Variants in INF2 observed in about 807,000 individuals in gnomAD.
INF2 encodes inverted formin-2.
A neutral mutation model predicts 123.5 loss-of-function variants in INF2; 43 were observed. The ratio of observed to expected loss-of-function variants is 0.35; its 90% CI spans 0.27 to 0.45. INF2 has a LOEUF of 0.45. Ranked by LOEUF, INF2 falls within the 20% of genes least tolerant of loss-of-function variation. The pLI, the probability that INF2 is intolerant of heterozygous loss-of-function variation, is 1.00. For missense variants in INF2, 1,453 were observed against 1,682.7 expected (o/e 0.86, Z 2.39); for synonymous variants, 851 against 745.0 (o/e 1.14, Z -2.32).
rs771225174 is a variant in INF2, at chr14:104,714,616, C to A, written c.3454C>A (p.Leu1152Met). The change falls in exon 21 of 23, where the codon CTG becomes ATG. Residue 1152 changes from leucine (L) to methionine (M), a missense_variant. Leu to Met is a conservative substitution (Grantham distance 15). Around this residue, in one of 8 missense-constraint regions of INF2, gnomAD observed 344 missense variants for 333.1 expected, o/e 1.03. Transcript: ENST00000392634. ...QAEADSTSEG[L>M]EDAVHSRGAR... ...CGAGGCCGACAGCACAAGTGAGGGG[C>A]TGGAGGACGCTGTCCACAGCCGTGG... 6 of 1,612,538 alleles carry A rather than the reference C, an allele frequency of 3.7e-6. No individual in the cohort carries two copies. The South Asian group carries it at 5.5e-5, about 15-fold the overall frequency.
In INF2 at chr14:104,684,280, G is replaced by C. The variant is rs1888607439; in HGVS notation, c.-104+2698G>C. 4 of 384,690 alleles carry C rather than the reference G, an allele frequency of 1.0e-5. No individual in the cohort carries two copies. Among genetic ancestry groups the C allele is most frequent in the Non-Finnish European group, 1.6e-5 (3 of 191,454 alleles). 23.8% of individuals were successfully genotyped at this position (384,690 alleles called of 1,614,324 possible). On this transcript the variant is annotated intron_variant, in intron 1 of 2. Transcript: ENST00000674723. This position sits in a 1 kb window ranked among gnomAD's most constrained non-coding sequence, Gnocchi z 5.0. Reference sequence around the variant, plus strand: ...CTGGAGGTCAGCAGGGAGGTGGACTGCGTCTCCCGAGGGCCAGCACTGGCT... The same window carrying C: ...CTGGAGGTCAGCAGGGAGGTGGACTCCGTCTCCCGAGGGCCAGCACTGGCT...
chr14:104,698,982 C>T (rs1217806629), intron 1 of INF2, among the ~76,000 whole-genome samples: 2 of 152,170 alleles, frequency 1.3e-5, no homozygotes, highest in African/African-American at 4.8e-5. Flanking sequence ...CAGTTTCCTC[C>T]CACCGTGGCT....
At chr14:104,705,022 A>G (rs980594033) in intron 5 of INF2, among the ~76,000 whole-genome samples, 4 of 122,188 alleles carry the variant, frequency 3.3e-5, no homozygotes, top group Non-Finnish European at 6.6e-5. Flanking sequence ...CATAGCTGAG[A>G]AGCTCTATCC....
rs756746505 is a variant in INF2 at position 104,714,589 on chromosome 14, G to A, written c.3427G>A (p.Ala1143Thr). Residue 1143 changes from alanine to threonine, a missense_variant, in exon 21 of 23, where the codon GCC (alanine) becomes ACC (threonine). By Grantham distance (58) the Ala-to-Thr change is moderately conservative. Coordinates refer to ENST00000392634, the MANE Select transcript of INF2 (RefSeq NM_022489.4). ...CACGTCCTTGCTGGGCGTCCTCCAG[G>A]CCGAGGCCGACAGCACAAGTGAGGG... is the stretch of plus-strand genomic sequence containing the variant. ...DPTSLLGVLQ[A>T]EADSTSEGLE... The A allele has an allele frequency of 3.1e-6, 5 of 1,612,514 alleles. No homozygotes were observed. Among genetic ancestry groups the A allele is most frequent in the Middle Eastern group, 1.6e-4 (1 of 6,084 alleles).
intron 1 of INF2, chr14:104,690,569 G>C (rs1888895065): frequency 6.5e-6 from 1 of 152,756 alleles, no homozygotes; most frequent in African/African-American, 2.4e-5. Flanking sequence ...GAGAGGCAGA[G>C]ACCCTGCCCA....
intron 22 of INF2, 64 bp from the exon 23 acceptor site, chr14:104,718,731 G>T: frequency 6.3e-7 from 1 of 1,591,854 alleles, no homozygotes; most frequent in East Asian, 2.3e-5. Flanking sequence ...ACCCAGAAGC[G>T]GGCACCTGAT....
intron 13 of INF2, chr14:104,710,710 C>T: frequency 1.7e-6 from 1 of 586,244 alleles, no homozygotes; most frequent in Non-Finnish European, 3.0e-6. Flanking sequence ...CAGGTACGGA[C>T]CAGTGAGGCA....
intron 5 of INF2, chr14:104,704,168 G>A (rs1889668026): frequency 3.5e-6 from 5 of 1,441,464 alleles, no homozygotes; most frequent in East Asian, 2.5e-5. Context: ...TAGGGTTGCA[G>A]CAGCCATAGA....
intron 1 of INF2, among the ~76,000 whole-genome samples, chr14:104,696,813 C>T (rs1482610986): frequency 2.6e-5 from 4 of 152,146 alleles, no homozygotes; most frequent in South Asian, 4.1e-4. Flanking sequence ...CCACCCACCC[C>T]GTGGAAGACA....
At chr14:104,682,026 G>T (rs886485058) in intron 1 of INF2, among the ~76,000 whole-genome samples, 1 of 152,164 alleles carries the variant, frequency 6.6e-6, no homozygotes, top group African/African-American at 2.4e-5. Context: ...GTTCCCTGGG[G>T]TGGGGGTCCC....
rs113365237 is a variant in INF2 at position 104,715,233 on chromosome 14, G to A, written c.3695-51G>A. The A allele has an allele frequency of 2.6e-4, 408 of 1,578,474 alleles. 1 individual carries two copies. In the African/African-American group the frequency reaches 4.3e-3, roughly 17 times the overall value. On this transcript the variant is annotated intron_variant, in intron 21 of 22. Coordinates refer to ENST00000392634, the MANE Select transcript of INF2 (RefSeq NM_022489.4). ...CCAGCCCCACCCACTCCGAGTCAGG[G>A]TTGCTTCTGTGTGATAAGCCGTTGA...
At chr14:104,706,864 A>G (rs989902291) in intron 6 of INF2, 46 bp from the exon 7 acceptor site, 14 of 1,595,092 alleles carry the variant, frequency 8.8e-6, no homozygotes, top group Non-Finnish European at 1.1e-5. Flanking sequence ...TTAGTCCACC[A>G]GGGAGGGGCC....
intron 22 of INF2, among the ~76,000 whole-genome samples, 195 bp from the exon 23 acceptor site, chr14:104,718,600 C>G (rs1056900343): frequency 1.3e-5 from 2 of 152,146 alleles, no homozygotes; most frequent in African/African-American, 4.8e-5. Context: ...CCAGGCCAGC[C>G]CGGCACCTTC....
At chr14:104,681,881 G>T (rs146323801) in intron 1 of INF2, among the ~76,000 whole-genome samples, 1,585 of 152,340 alleles carry the variant, frequency 0.01, 30 homozygotes, top group African/African-American at 0.036. Flanking sequence ...GCCAGGCAGG[G>T]AGCCAGGCAG....
Position 104,713,595 on chromosome 14 carries a change from C to A in INF2, c.3029C>A (p.Ala1010Asp). The A allele has an allele frequency of 6.2e-7, 1 of 1,612,562 alleles. No homozygotes were observed. Among genetic ancestry groups the A allele is most frequent in the Non-Finnish European group, 8.5e-7 (1 of 1,179,750 alleles). The change falls in exon 20 of 23, where the codon GCC becomes GAC. Residue 1010 changes from alanine to aspartate, a missense_variant. This residue lies in a region of INF2 where 344 missense variants were observed against 333.1 expected (regional missense o/e 1.03). Transcript: ENST00000392634. ...GCAGCCTCCATGGATCCCCCAAGAG[C>A]CACAGAGCCTGGTAAGACCCTCTCC... ...SKAASMDPPR[A>D]TEPVATSNPA...
intron 8 of INF2, chr14:104,708,224 T>A: frequency 1.2e-6 from 1 of 866,036 alleles, no homozygotes; most frequent in Non-Finnish European, 1.8e-6. Context: ...CATGCTCCCG[T>A]GAGCCAGTGC....
At chr14:104,686,758 C>A (rs754013142), upstream of INF2, among the ~76,000 whole-genome samples, 3 of 152,218 alleles carry the variant, frequency 2.0e-5, no homozygotes, top group Non-Finnish European at 4.4e-5. Context: ...TGGCCGCCTG[C>A]TGCATGCAGG....
intron 1 of INF2, among the ~76,000 whole-genome samples, chr14:104,682,717 A>C (rs1888555101): frequency 6.6e-6 from 1 of 152,112 alleles, no homozygotes; most frequent in Non-Finnish European, 1.5e-5. Context: ...GAACTGGGGA[A>C]TTATTTACCC....
At position 104,714,796 on chromosome 14, in the gene INF2, G is replaced by A; in HGVS notation, c.3634G>A (p.Gly1212Ser). Reference protein sequence around the residue: ...SGSGTLPRARGRASKGTGKRR... With the variant: ...SGSGTLPRARSRASKGTGKRR... ...GTCGGGCACACTCCCCAGGGCCCGG[G>A]GCCGGGCCTCAAAGGGGACCGGGAA... is the stretch of plus-strand genomic sequence containing the variant. The change falls in exon 21 of 23, where the codon GGC (glycine) becomes AGC (serine). Residue 1212 changes from glycine to serine, a missense_variant. Around this residue, in one of 8 missense-constraint regions of INF2, gnomAD observed 344 missense variants for 333.1 expected, o/e 1.03. Transcript: ENST00000392634. 1 of 1,597,722 alleles carries A rather than the reference G, an allele frequency of 6.3e-7. No homozygotes were observed. Among genetic ancestry groups the A allele is most frequent in the Non-Finnish European group, 8.5e-7 (1 of 1,174,186 alleles).
Sources: allele counts gnomAD v4.1 joint callset (sites outside exome capture counted in the v4.1 genomes callset), GRCh38; gene constraint gnomAD v4.1.1; regional missense constraint gnomAD v4.1.1; non-coding constraint Gnocchi (gnomAD v3.1); transcripts MANE v1.5; gene names NCBI Gene and HGNC (gene_info 2026-07-23, HGNC 2026-07-21).